The following FAM81A variants were observed in gnomAD, a reference collection of about 807,000 sequenced individuals.
FAM81A encodes protein FAM81A.
FAM81A carries 19 observed loss-of-function variants against 46.7 expected under a neutral mutation model. The ratio of observed to expected loss-of-function variants is 0.41; its 90% CI spans 0.28 to 0.60. The LOEUF is 0.60. Ranked by LOEUF, FAM81A falls within the 20% of genes least tolerant of loss-of-function variation. The pLI is 0.34. For missense variants in FAM81A, 377 were observed against 453.5 expected (o/e 0.83, Z 1.53); for synonymous variants, 183 against 152.9 (o/e 1.20, Z -1.45).
At chr15:59,447,603 T>C (rs557128814) in intron 1 of FAM81A, among the ~76,000 whole-genome samples, 5 of 152,366 alleles carry the variant, frequency 3.3e-5, no homozygotes, top group African/African-American at 1.2e-4. Flanking sequence ...CTATTAGCAT[T>C]GGTCTTTCCT....
In FAM81A at chr15:59,507,282, C is replaced by G; in HGVS notation, c.483C>G (p.Asn161Lys). The G allele has an allele frequency of 6.2e-7, 1 of 1,612,084 alleles. No homozygotes were observed. Among genetic ancestry groups the G allele is most frequent in the South Asian group, 1.1e-5 (1 of 90,496 alleles). ...CCTATGAGGGGCTCCAGCACTTGAA[C>G]AAAGAACAGCAGGCTGCCAAACTTA... is the stretch of plus-strand genomic sequence containing the variant. ...KTTYEGLQHL[N>K]KEQQAAKLIL... is the part of the protein sequence containing the mutation. Residue 161 changes from asparagine to lysine, a missense_variant, in exon 5 of 9, where the codon AAC becomes AAG. By Grantham distance (94) the Asn-to-Lys change is moderately conservative (BLOSUM62 0). Transcript: ENST00000288228.
Position 59,512,083 on chromosome 15 carries a change from A to G in FAM81A, c.651-2206A>G, listed in dbSNP as rs535821096. On this transcript the variant is annotated intron_variant, in intron 6 of 8. Coordinates refer to ENST00000288228, the MANE Select transcript of FAM81A (RefSeq NM_152450.3). ...TCAACAATGAAAATGAATTCACTAC[A>G]GCTATACAAATCAGCATGAATGAAT... Among the ~76,000 whole-genome samples the G allele has an allele frequency of 1.1e-4, 17 of 152,388 alleles. No individual in the cohort carries two copies. The East Asian group carries it at 3.3e-3, about 29-fold the overall frequency.
intron 3 of FAM81A, among the ~76,000 whole-genome samples, chr15:59,462,216 A>C (rs1361954152): frequency 2.0e-5 from 3 of 152,006 alleles, no homozygotes; most frequent in Non-Finnish European, 2.9e-5. Context: ...AAAAAAAAAA[A>C]AAAACATAGC....
chr15:59,428,198 T>A (rs2081203515), intron 2 of FAM81A, among the ~76,000 whole-genome samples: 1 of 152,212 alleles, frequency 6.6e-6, no homozygotes, highest in Non-Finnish European at 1.5e-5. Flanking sequence ...CATTTCTATG[T>A]CTTCTTGTGA....
intron 2 of FAM81A, among the ~76,000 whole-genome samples, chr15:59,421,699 C>G (rs568309698): frequency 6.8e-6 from 1 of 146,840 alleles, no homozygotes; most frequent in Admixed American, 6.7e-5. Flanking sequence ...ACAGATTAAA[C>G]CCTTAAACTA....
intron 1 of FAM81A, chr15:59,401,770 ATTT>A (rs57470869): frequency 0.026 from 17,524 of 684,040 alleles, 32 homozygotes; most frequent in African/African-American, 0.054. Flanking sequence ...TCTTTTCAGC[ATTT>A]TTTTTTTTTT....
intron 2 of FAM81A, among the ~76,000 whole-genome samples, chr15:59,422,277 TGTA>T (rs2081177560): frequency 6.6e-6 from 1 of 151,932 alleles, no homozygotes; most frequent in Non-Finnish European, 1.5e-5. Flanking sequence ...AGTACCAGCT[TGTA>T]GTATCCCTGA....
chr15:59,521,362 C>T lies in FAM81A; in HGVS notation c.1091C>T (p.Pro364Leu), dbSNP rs1223830122. Reference sequence around the variant, plus strand: ...AAGCAAATCCAGCTGATGCAGAAGCCAGAGACCCCCATGTGAAGGGAGCTG... The same window carrying T: ...AAGCAAATCCAGCTGATGCAGAAGCTAGAGACCCCCATGTGAAGGGAGCTG... ...LQKQIQLMQK[P>L]ETPM Residue 364 changes from proline to leucine, a missense_variant, in exon 9 of 9, where the codon CCA (proline) becomes CTA (leucine). Coordinates refer to ENST00000288228, the MANE Select transcript of FAM81A (RefSeq NM_152450.3). 1 of 1,611,090 alleles carries T rather than the reference C, an allele frequency of 6.2e-7. No individual in the cohort carries two copies. Among genetic ancestry groups the T allele is most frequent in the South Asian group, 1.1e-5 (1 of 90,640 alleles).
chr15:59,499,735 A>G (rs1188261183), intron 4 of FAM81A, among the ~76,000 whole-genome samples: 1 of 152,118 alleles, frequency 6.6e-6, no homozygotes, highest in Non-Finnish European at 1.5e-5. Context: ...TATGTCATCT[A>G]CTGCCTTGTG....
chr15:59,417,082 T>C (rs2081149888), intron 2 of FAM81A, among the ~76,000 whole-genome samples: 1 of 152,108 alleles, frequency 6.6e-6, no homozygotes, highest in Non-Finnish European at 1.5e-5. Context: ...GCTAAGACAC[T>C]TCTGTGGTTG....
At chr15:59,462,523 G>A (rs1480915015) in intron 3 of FAM81A, among the ~76,000 whole-genome samples, 1 of 152,044 alleles carries the variant, frequency 6.6e-6, no homozygotes, top group Non-Finnish European at 1.5e-5. Context: ...GGGGAAAAAA[G>A]CTACCATTTT....
chr15:59,519,902 T>G (rs186128569), intron 8 of FAM81A, among the ~76,000 whole-genome samples: 1 of 152,266 alleles, frequency 6.6e-6, no homozygotes, highest in East Asian at 1.9e-4. Flanking sequence ...GAGGCAGTAA[T>G]TTAATTTCTT....
In FAM81A at chr15:59,458,663, C is replaced by T. The variant is rs1418411816; in HGVS notation, c.20+17C>T. 3 of 1,607,410 alleles carry T rather than the reference C, an allele frequency of 1.9e-6. No homozygotes were observed. Among genetic ancestry groups the T allele is most frequent in the African/African-American group, 2.7e-5 (2 of 74,788 alleles). Reference sequence around the variant, plus strand: ...GCATCTAAGGTATACTTTTCCTTTCCACTCATCCCATGGGGGCTGCTAGTG... The same window carrying T: ...GCATCTAAGGTATACTTTTCCTTTCTACTCATCCCATGGGGGCTGCTAGTG... On this transcript the variant is annotated intron_variant, in intron 2 of 8. Transcript: ENST00000288228.
chr15:59,417,728 T>C (rs1249499417), intron 2 of FAM81A, among the ~76,000 whole-genome samples: 1 of 151,992 alleles, frequency 6.6e-6, no homozygotes, highest in Non-Finnish European at 1.5e-5. Flanking sequence ...AATAAATACA[T>C]AAATAAATAA....
intron 2 of FAM81A, among the ~76,000 whole-genome samples, chr15:59,425,547 C>A (rs1020465037): frequency 1.3e-5 from 2 of 152,070 alleles, no homozygotes; most frequent in African/African-American, 2.4e-5. Flanking sequence ...ACAGAAAAAT[C>A]GTACTTTAAA....
chr15:59,452,122 T>G (rs986374403), intron 1 of FAM81A, among the ~76,000 whole-genome samples: 12 of 152,364 alleles, frequency 7.9e-5, no homozygotes, highest in Admixed American at 6.5e-4. Flanking sequence ...CTCTTCCTGA[T>G]TCTTCAGATT....
chr15:59,451,942 C>T (rs1277221300), intron 1 of FAM81A, among the ~76,000 whole-genome samples: 1 of 152,228 alleles, frequency 6.6e-6, no homozygotes, highest in Non-Finnish European at 1.5e-5. Context: ...TACTGATTAG[C>T]TCTGATGTGC....
rs143696862 is a variant in FAM81A, at chr15:59,428,413, A to ATATTAT, written c.-78+26093_-78+26098dup. On this transcript the variant is annotated intron_variant, in intron 2 of 4. Transcript: ENST00000558348. ...TTCTTAGTCCTGAGAATTCTTTTTG[A>ATATTAT]TATTATTATTATTATTATTATTATT... Among the ~76,000 whole-genome samples the ATATTAT allele has an allele frequency of 4.6e-3, 645 of 140,698 alleles. 4 individuals are homozygous for ATATTAT. Among genetic ancestry groups the ATATTAT allele is most frequent in the Middle Eastern group, 0.011 (3 of 278 alleles). 92.3% of individuals were successfully genotyped at this position (140,698 alleles called of 152,430 possible). A position where few individuals can be genotyped will look rare whatever the true frequency, so the allele number is the denominator to read the frequency against.
chr15:59,508,782 C>T (rs2082175069), intron 5 of FAM81A, 81 bp from the exon 6 acceptor site: 1 of 961,458 alleles, frequency 1.0e-6, no homozygotes, highest in South Asian at 1.5e-5. Context: ...CCATTGACTA[C>T]AATATGGCTT....
Sources: allele counts gnomAD v4.1 joint callset (sites outside exome capture counted in the v4.1 genomes callset), GRCh38; gene constraint gnomAD v4.1.1; transcripts MANE v1.5; gene names NCBI Gene and HGNC (gene_info 2026-07-23, HGNC 2026-07-21).